The following OOEP variants were observed in gnomAD, a reference collection of about 807,000 sequenced individuals.
OOEP encodes the protein oocyte-expressed protein homolog.
A neutral mutation model predicts 13.7 loss-of-function variants in OOEP; 16 were observed. The observed-to-expected ratio is 1.16, with a 90% CI of 0.79 to 1.77. The LOEUF (loss-of-function observed/expected upper bound fraction) is 1.77, where lower values mean the gene tolerates loss of function less well. Among genes scored for constraint, OOEP ranks in the 40% most tolerant of loss-of-function variants. The pLI, the probability that OOEP is intolerant of heterozygous loss-of-function variation, is 0.00. For synonymous variants in OOEP, 89 were observed against 77.1 expected, an observed-to-expected ratio of 1.15 and a Z score of -0.81; for missense variants, 195 against 193.1, an observed-to-expected ratio of 1.01 and a Z score of -0.06.
upstream of OOEP, chr6:73,395,095 G>A (rs1266229718): frequency 6.2e-7 from 1 of 1,614,166 alleles, no homozygotes; most frequent in South Asian, 1.1e-5. Flanking sequence ...CGTGGCCGCT[G>A]GTCACGAGGA....
exon 2 of OOEP, chr6:73,394,443 G>C (rs902656464): frequency 1.4e-4 from 96 of 706,480 alleles, no homozygotes; most frequent in Non-Finnish European, 2.4e-4. Flanking sequence ...GAAGCCAGAA[G>C]CCAAGAGTTC....
intron 2 of OOEP, among the ~76,000 whole-genome samples, chr6:73,380,859 A>T (rs1338029499): frequency 6.6e-6 from 1 of 152,156 alleles, no homozygotes; most frequent in Non-Finnish European, 1.5e-5. Context: ...GTTGATTAAT[A>T]CAATCAAGGC....
intron 2 of OOEP, among the ~76,000 whole-genome samples, chr6:73,382,404 G>C (rs1769222907): frequency 6.6e-6 from 1 of 151,614 alleles, no homozygotes; most frequent in South Asian, 2.1e-4. Context: ...TTTCAGTAGA[G>C]ATGGGGTTTC....
At chr6:73,390,126 C>A (rs1484032881) in intron 2 of OOEP, among the ~76,000 whole-genome samples, 2 of 151,972 alleles carry the variant, frequency 1.3e-5, no homozygotes, top group African/African-American at 4.8e-5. Context: ...TTGTGCTGAG[C>A]CCAGATCCCG....
intron 2 of OOEP, among the ~76,000 whole-genome samples, chr6:73,394,087 C>A (rs1769399031): frequency 1.3e-5 from 2 of 152,048 alleles, no homozygotes; most frequent in Admixed American, 6.6e-5. Flanking sequence ...AGGCCTGTAA[C>A]CCCAGCACTA....
intron 2 of OOEP, among the ~76,000 whole-genome samples, chr6:73,383,883 C>G (rs1769237078): frequency 6.6e-6 from 1 of 151,876 alleles, no homozygotes; most frequent in African/African-American, 2.4e-5. Context: ...ATCACTTGAG[C>G]CCAGGAATTC....
chr6:73,386,973 C>A (rs2150782903), intron 2 of OOEP, among the ~76,000 whole-genome samples: 1 of 73,674 alleles, frequency 1.4e-5, no homozygotes, highest in African/African-American at 5.1e-5. Context: ...AAAATTCCAT[C>A]TCAGAAAAAA....
Position 73,376,352 on chromosome 6 carries a change from T to TTG in OOEP, c.26-6968_26-6967insCA, listed in dbSNP as rs200786924. On this transcript the variant is annotated intron_variant, in intron 2 of 3. Transcript: ENST00000370363. ...GTTTTGGACAAGGGGTTGTTTTTTT[T>TTG]TTTTTTTTTTTTTTTTTTTTGAATA... Among the ~76,000 whole-genome samples, 236 of 31,768 alleles carry TTG rather than the reference T, an allele frequency of 7.4e-3. 7 individuals are homozygous for TTG. The highest frequency in any genetic ancestry group is 0.037 in the Middle Eastern group (2 of 54). 20.8% of individuals were successfully genotyped at this position (31,768 alleles called of 152,430 possible).
At chr6:73,383,206 A>C (rs1189096949) in intron 2 of OOEP, among the ~76,000 whole-genome samples, 1 of 152,206 alleles carries the variant, frequency 6.6e-6, no homozygotes, top group Admixed American at 6.5e-5. Flanking sequence ...GGCCGGTAAC[A>C]CTAAGGGAAT....
Position 73,369,378 on chromosome 6 carries a change from G to C in OOEP, c.198C>G (p.Asp66Glu). The C allele has an allele frequency of 1.2e-6, 2 of 1,611,486 alleles. No homozygotes were observed. The highest frequency in any genetic ancestry group is 2.2e-5 in the East Asian group (1 of 44,868). Residue 66 changes from aspartate to glutamate, a missense_variant, in exon 2 of 3, where the codon GAC becomes GAG. Coordinates refer to ENST00000370359, the MANE Select transcript of OOEP (RefSeq NM_001080507.3). ...AWLADELFGP[D>E]RAIIPEMEWT... is the part of the protein sequence containing the mutation. ...ACTCCATTTCTGGAATTATGGCTCG[G>C]TCTGGGCCTAAACAAGTAAGGAAAA...
At chr6:73,373,275 G>T, upstream of OOEP, 1 of 1,599,500 alleles carries the variant, frequency 6.3e-7, no homozygotes, top group Non-Finnish European at 8.6e-7. Flanking sequence ...GCGAGCAGCG[G>T]AGTCAAGAAC....
intron 2 of OOEP, among the ~76,000 whole-genome samples, chr6:73,393,335 T>C (rs1769377337): frequency 6.6e-6 from 1 of 152,044 alleles, no homozygotes; most frequent in Non-Finnish European, 1.5e-5. Flanking sequence ...CAAGAGATCC[T>C]CCGCCTAGGC....
intron 2 of OOEP, among the ~76,000 whole-genome samples, chr6:73,385,843 C>T (rs1769265878): frequency 1.3e-5 from 2 of 152,124 alleles, no homozygotes; most frequent in South Asian, 4.1e-4. Context: ...ACCTTGGCCT[C>T]CCAAAGTGCT....
At chr6:73,393,951 G>C (rs1353556514) in intron 2 of OOEP, among the ~76,000 whole-genome samples, 1 of 152,208 alleles carries the variant, frequency 6.6e-6, no homozygotes, top group African/African-American at 2.4e-5. Flanking sequence ...AACAAGGTTT[G>C]AGGGAGGCAC....
chr6:73,394,428 C>A, exon 2 of OOEP: 2 of 710,188 alleles, frequency 2.8e-6, no homozygotes, highest in South Asian at 3.0e-5. Flanking sequence ...GCTGGAAGAT[C>A]ACTTGAAGCC....
At chr6:73,378,733 A>G (rs1426545643) in intron 2 of OOEP, among the ~76,000 whole-genome samples, 1 of 151,794 alleles carries the variant, frequency 6.6e-6, no homozygotes, top group African/African-American at 2.4e-5. Context: ...GCGTGGTGAC[A>G]TATGCCTGTG....
chr6:73,380,246 C>CTTTT (rs774497914), intron 2 of OOEP, among the ~76,000 whole-genome samples: 2 of 126,912 alleles, frequency 1.6e-5, no homozygotes, highest in African/African-American at 2.9e-5. Context: ...TTCCAAAATT[C>CTTTT]TTTTTTTTTT....
exon 1 of OOEP, chr6:73,394,976 C>T (rs1440659194): frequency 6.2e-7 from 1 of 1,614,264 alleles, no homozygotes; most frequent in African/African-American, 1.3e-5. Flanking sequence ...TCGACAGTGT[C>T]CCGAGCGCCA....
rs1448812709 is a variant in OOEP, at chr6:73,369,590, T to C, written c.190+13A>G. 1.2e-6 allele frequency: 2 copies of C among 1,611,892 alleles called. No homozygotes were observed. The highest frequency in any genetic ancestry group is 1.1e-5 in the South Asian group (1 of 90,998). ...GAGGTGGACAGCCCACTAGCACACC[T>C]GGGGTCGCTCACCAAAGAGCTCGTC... On this transcript the variant is annotated intron_variant, in intron 1 of 2. Transcript: ENST00000370359.
Sources: gnomAD v4.1 joint callset for allele counts (sites outside exome capture counted in the v4.1 genomes callset) on GRCh38, gnomAD v4.1.1 for gene constraint, MANE v1.5 for transcripts, NCBI Gene and HGNC (gene_info 2026-07-23, HGNC 2026-07-21) for gene names.